Variants in SPOCK1 observed in about 807,000 individuals in gnomAD.
SPOCK1 encodes SPARC (osteonectin), cwcv and kazal like domains proteoglycan 1, also known as testican-1.
SPOCK1 carries 23 observed loss-of-function variants against 55.3 expected under a neutral mutation model. The observed-to-expected ratio is 0.42, with a 90% confidence interval of 0.30 to 0.59. SPOCK1 has a LOEUF of 0.59. SPOCK1 is among the 20% of genes least tolerant of loss of function. SPOCK1 has a pLI of 0.22. For synonymous variants in SPOCK1, 226 were observed against 221.0 expected, an observed-to-expected ratio of 1.02 and a Z score of -0.20; for missense variants, 499 against 552.5, an observed-to-expected ratio of 0.90 and a Z score of 0.97.
chr5:137,190,331 G>GCCA (rs1456604057), intron 3 of SPOCK1, among the ~76,000 whole-genome samples: 3 of 152,116 alleles, frequency 2.0e-5, no homozygotes, highest in Non-Finnish European at 4.4e-5. Flanking sequence ...ATCTGCCACA[G>GCCA]CCACCCCAAC....
chr5:137,399,617 A>G (rs571663057), intron 2 of SPOCK1, among the ~76,000 whole-genome samples: 2 of 152,344 alleles, frequency 1.3e-5, no homozygotes, highest in South Asian at 4.1e-4. Context: ...GCCAAGAGAT[A>G]TGGGTGAACC....
intron 3 of SPOCK1, among the ~76,000 whole-genome samples, chr5:137,164,643 G>A (rs910603117): frequency 2.6e-5 from 4 of 152,134 alleles, no homozygotes; most frequent in South Asian, 4.1e-4. Flanking sequence ...CATGGCTCTT[G>A]GACAGCATTT....
chr5:137,411,797 A>T (rs1701478077), intron 2 of SPOCK1, among the ~76,000 whole-genome samples: 1 of 152,234 alleles, frequency 6.6e-6, no homozygotes, highest in South Asian at 2.1e-4. Context: ...AATGCAATGG[A>T]TAATGACAGC....
At chr5:137,393,673 G>A (rs1751777409) in intron 2 of SPOCK1, among the ~76,000 whole-genome samples, 1 of 152,246 alleles carries the variant, frequency 6.6e-6, no homozygotes, top group Admixed American at 6.5e-5. Flanking sequence ...AGGTGACACA[G>A]CTGCAATTAC....
intron 2 of SPOCK1, among the ~76,000 whole-genome samples, chr5:137,428,597 C>T (rs1580922058): frequency 6.6e-6 from 1 of 152,106 alleles, no homozygotes; most frequent in Admixed American, 6.5e-5. Flanking sequence ...GGAAATGTTG[C>T]GTTCTCCCTC....
chr5:137,447,011 C>A (rs1753143411), intron 2 of SPOCK1, among the ~76,000 whole-genome samples: 3 of 152,172 alleles, frequency 2.0e-5, no homozygotes. Flanking sequence ...GAAAAGGATT[C>A]CACTTGTATG....
intron 3 of SPOCK1, among the ~76,000 whole-genome samples, chr5:137,201,536 A>G (rs1427057970): frequency 2.0e-5 from 3 of 152,356 alleles, no homozygotes; most frequent in Non-Finnish European, 4.4e-5. Flanking sequence ...TAATATTCTC[A>G]ATGCTAATAT....
intron 3 of SPOCK1, among the ~76,000 whole-genome samples, chr5:137,148,557 T>G: frequency 6.6e-6 from 1 of 151,050 alleles, no homozygotes; most frequent in African/African-American, 2.4e-5. Flanking sequence ...GTGATGGGAG[T>G]GGAAAGAGGA....
intron 3 of SPOCK1, among the ~76,000 whole-genome samples, chr5:137,183,712 C>T (rs779365147): frequency 1.3e-5 from 2 of 152,304 alleles, no homozygotes; most frequent in Admixed American, 6.5e-5. Flanking sequence ...CTCAATCTCT[C>T]GAAAGGCTAG....
chr5:137,252,543 C>T (rs1353709352), intron 3 of SPOCK1, among the ~76,000 whole-genome samples: 1 of 152,198 alleles, frequency 6.6e-6, no homozygotes, highest in Admixed American at 6.5e-5. Context: ...TGTCATACTT[C>T]AGCCTGAACA....
At chr5:137,292,044 G>C (rs1018895363) in intron 2 of SPOCK1, among the ~76,000 whole-genome samples, 3 of 152,206 alleles carry the variant, frequency 2.0e-5, no homozygotes, top group Non-Finnish European at 2.9e-5. Flanking sequence ...ATGTGCCAAA[G>C]GAGCTGCAGC....
At chr5:137,317,693 G>T (rs1001226768) in intron 2 of SPOCK1, among the ~76,000 whole-genome samples, 1 of 152,136 alleles carries the variant, frequency 6.6e-6, no homozygotes, top group Admixed American at 6.5e-5. Flanking sequence ...AGAAAAGTCT[G>T]GCATTCACAG....
intron 3 of SPOCK1, among the ~76,000 whole-genome samples, chr5:137,162,248 C>T (rs573837844): frequency 6.6e-6 from 1 of 151,874 alleles, no homozygotes; most frequent in Admixed American, 6.6e-5. Flanking sequence ...AGCAATTCTC[C>T]TGCCTCATTC....
At chr5:137,073,030 G>A (rs977524141) in intron 5 of SPOCK1, among the ~76,000 whole-genome samples, 1 of 152,212 alleles carries the variant, frequency 6.6e-6, no homozygotes, top group Non-Finnish European at 1.5e-5. Flanking sequence ...TTTCTGCACA[G>A]AGCTTGAGTG....
chr5:137,311,583 C>T (rs1313500838), intron 2 of SPOCK1, among the ~76,000 whole-genome samples: 6 of 152,240 alleles, frequency 3.9e-5, no homozygotes. Context: ...ACTATCTACT[C>T]CGCTCTTTTC....
intron 9 of SPOCK1, among the ~76,000 whole-genome samples, chr5:136,982,393 C>G (rs958585521): frequency 2.0e-5 from 3 of 152,070 alleles, no homozygotes; most frequent in African/African-American, 7.2e-5. Flanking sequence ...TGTGTTTGAC[C>G]TGTTCACATT....
chr5:137,302,335 C>CA (rs1175856739), intron 2 of SPOCK1, among the ~76,000 whole-genome samples: 1 of 150,914 alleles, frequency 6.6e-6, no homozygotes, highest in Non-Finnish European at 1.5e-5. Context: ...TTTGGGAGGC[C>CA]AAGGCGGGCA....
chr5:137,234,403 G>A (rs1756133445), intron 3 of SPOCK1, among the ~76,000 whole-genome samples: 1 of 152,144 alleles, frequency 6.6e-6, no homozygotes, highest in African/African-American at 2.4e-5. Context: ...CCCTGCTGCT[G>A]CATCGCCTTT....
rs187104529 is a variant in SPOCK1, at chr5:137,104,628, C to T, written c.474+7807G>A. Among the ~76,000 whole-genome samples, 455 of 152,172 alleles carry T rather than the reference C, an allele frequency of 3.0e-3. 5 individuals are homozygous for T. Among genetic ancestry groups the T allele is most frequent in the African/African-American group, 0.01 (431 of 41,520 alleles). ...TGAGCTCCGCTTCGTGTCACATCAG[C>T]GGTGGCATTAGATTCTCATAGGAGT... On this transcript the variant is annotated intron_variant, in intron 5 of 10. Coordinates refer to ENST00000394945, the MANE Select transcript of SPOCK1 (RefSeq NM_004598.4).
Sources: allele counts gnomAD v4.1 joint callset (sites outside exome capture counted in the v4.1 genomes callset), GRCh38; gene constraint gnomAD v4.1.1; transcripts MANE v1.5; gene names NCBI Gene and HGNC (gene_info 2026-07-23, HGNC 2026-07-21).